The following CMSS1 variants were observed in gnomAD, a reference collection of about 807,000 sequenced individuals.
The protein encoded by CMSS1 is protein CMSS1.
A neutral mutation model predicts 43.5 loss-of-function variants in CMSS1; 33 were observed. The observed-to-expected ratio is 0.76, with a 90% confidence interval of 0.57 to 1.01. CMSS1 has a LOEUF of 1.01. CMSS1 is among the 50% of genes least tolerant of loss of function. CMSS1 has a pLI of 0.00. For missense variants in CMSS1, 313 were observed against 326.4 expected, an observed-to-expected ratio of 0.96 and a Z score of 0.32; for synonymous variants, 115 against 117.2, an observed-to-expected ratio of 0.98 and a Z score of 0.12.
intron 1 of CMSS1, among the ~76,000 whole-genome samples, chr3:99,976,102 C>T (rs1458736303): frequency 6.6e-6 from 1 of 152,108 alleles, no homozygotes; most frequent in African/African-American, 2.4e-5. Context: ...CCAGGCTGGT[C>T]TCGAACTTTT....
chr3:99,962,308 G>C (rs757980609), intron 1 of CMSS1, among the ~76,000 whole-genome samples: 2 of 152,148 alleles, frequency 1.3e-5, no homozygotes, highest in East Asian at 3.9e-4. Flanking sequence ...GCATGTGATG[G>C]GAGAGTGGAA....
Position 100,151,696 on chromosome 3 carries a change from G to C in CMSS1, c.153+4635G>C, listed in dbSNP as rs186211778. ...GATTACAAAGGAATATGAGTACCGG[G>C]AGATCGAGATCATGAGGAGCTATCC... On this transcript the variant is annotated intron_variant, in intron 2 of 9. Transcript: ENST00000421999. Among the ~76,000 whole-genome samples the C allele has an allele frequency of 1.5e-3, 231 of 152,242 alleles. 1 individual carries two copies. The highest frequency in any genetic ancestry group is 5.4e-3 in the African/African-American group (223 of 41,538).
intron 8 of CMSS1, among the ~76,000 whole-genome samples, chr3:100,173,743 A>G (rs995972246): frequency 6.6e-6 from 1 of 152,212 alleles, no homozygotes; most frequent in African/African-American, 2.4e-5. Flanking sequence ...CTCAGAAAGC[A>G]GGCACATGCA....
At chr3:100,028,568 T>G (rs2064968304) in intron 1 of CMSS1, among the ~76,000 whole-genome samples, 1 of 152,182 alleles carries the variant, frequency 6.6e-6, no homozygotes, top group Admixed American at 6.5e-5. Flanking sequence ...TTACAAAATT[T>G]TTCATTATTT....
At chr3:99,957,094 A>G (rs572392587) in intron 1 of CMSS1, among the ~76,000 whole-genome samples, 1 of 152,338 alleles carries the variant, frequency 6.6e-6, no homozygotes, top group African/African-American at 2.4e-5. Context: ...GTAAGAATAA[A>G]AATACTTGTG....
At chr3:100,078,145 A>G (rs1475615129) in intron 1 of CMSS1, among the ~76,000 whole-genome samples, 2 of 152,326 alleles carry the variant, frequency 1.3e-5, no homozygotes. Context: ...GTATACAAAC[A>G]TCATATTGGT....
chr3:99,822,872 CTGT>C (rs1172077063), intron 1 of CMSS1, among the ~76,000 whole-genome samples: 2 of 152,090 alleles, frequency 1.3e-5, no homozygotes, highest in Non-Finnish European at 2.9e-5. Flanking sequence ...GCGGTAGTTA[CTGT>C]TGTTATCTTT....
At chr3:100,071,363 C>A (rs1413411198) in intron 1 of CMSS1, among the ~76,000 whole-genome samples, 1 of 152,124 alleles carries the variant, frequency 6.6e-6, no homozygotes, top group Non-Finnish European at 1.5e-5. Context: ...GGAAGAACTG[C>A]CTCAGTAATG....
At chr3:100,094,840 C>T (rs2066175896) in intron 1 of CMSS1, among the ~76,000 whole-genome samples, 2 of 151,960 alleles carry the variant, frequency 1.3e-5, no homozygotes, top group South Asian at 4.1e-4. Flanking sequence ...CCTGCCACCA[C>T]ACCTGGCAAT....
intron 1 of CMSS1, among the ~76,000 whole-genome samples, chr3:100,050,426 TA>T (rs1182129929): frequency 2.0e-5 from 3 of 152,224 alleles, no homozygotes; most frequent in Non-Finnish European, 4.4e-5. Context: ...GTTTTAATGC[TA>T]AAATAGAATG....
chr3:100,026,612 T>G (rs1483168992), intron 1 of CMSS1, among the ~76,000 whole-genome samples: 1 of 152,182 alleles, frequency 6.6e-6, no homozygotes, highest in East Asian at 1.9e-4. Context: ...GCAGAAAACT[T>G]GGAGTTGTCC....
At chr3:99,852,801 C>G (rs1046287917) in intron 1 of CMSS1, among the ~76,000 whole-genome samples, 1 of 152,126 alleles carries the variant, frequency 6.6e-6, no homozygotes, top group Non-Finnish European at 1.5e-5. Context: ...TTGAGTCCTT[C>G]TTTTTGAGAT....
chr3:100,085,237 A>T (rs2065989598), intron 1 of CMSS1, among the ~76,000 whole-genome samples: 1 of 152,228 alleles, frequency 6.6e-6, no homozygotes, highest in Admixed American at 6.5e-5. Flanking sequence ...AGAAGAGAAC[A>T]TTAATATTTT....
chr3:100,164,759 C>T (rs943562324), intron 4 of CMSS1, among the ~76,000 whole-genome samples: 1 of 151,868 alleles, frequency 6.6e-6, no homozygotes, highest in African/African-American at 2.4e-5. Flanking sequence ...GACATAAATC[C>T]CCTTATATAT....
At chr3:99,863,558 A>G (rs1260047355) in intron 1 of CMSS1, among the ~76,000 whole-genome samples, 1 of 152,134 alleles carries the variant, frequency 6.6e-6, no homozygotes, top group East Asian at 1.9e-4. Context: ...ATTGAAAGAT[A>G]CCCTAGTTGT....
intron 1 of CMSS1, among the ~76,000 whole-genome samples, chr3:100,057,852 C>T (rs1438823221): frequency 6.6e-6 from 1 of 152,150 alleles, no homozygotes; most frequent in Non-Finnish European, 1.5e-5. Flanking sequence ...TTAGAATTAA[C>T]AACTGTGAAT....
intron 1 of CMSS1, among the ~76,000 whole-genome samples, chr3:100,088,273 T>A (rs1255819224): frequency 2.0e-5 from 3 of 152,214 alleles, no homozygotes; most frequent in Non-Finnish European, 4.4e-5. Context: ...AAAGCTTAAA[T>A]TGATACAGAA....
chr3:99,848,374 T>A (rs1190532379), intron 1 of CMSS1: 1 of 1,614,184 alleles, frequency 6.2e-7, no homozygotes, highest in South Asian at 1.1e-5. Flanking sequence ...GGTTGTTTTG[T>A]TTAGTGCCCC....
chr3:99,972,417 A>T (rs1026006032), intron 1 of CMSS1, among the ~76,000 whole-genome samples: 1 of 152,220 alleles, frequency 6.6e-6, no homozygotes, highest in Admixed American at 6.5e-5. Flanking sequence ...TCTGTCTTGC[A>T]GCAGCATCGG....
Sources: allele counts gnomAD v4.1 joint callset (sites outside exome capture counted in the v4.1 genomes callset), GRCh38; gene constraint gnomAD v4.1.1; transcripts MANE v1.5; gene names NCBI Gene and HGNC (gene_info 2026-07-23, HGNC 2026-07-21).